The following SCN2A variants were observed in gnomAD, a reference collection of about 807,000 sequenced individuals.
The protein encoded by SCN2A is sodium channel protein type 2 subunit alpha.
A neutral mutation model predicts 188.7 loss-of-function variants in SCN2A; 20 were observed. The ratio of observed to expected loss-of-function variants is 0.11; its 90% CI spans 0.07 to 0.15. The LOEUF is 0.15. SCN2A is among the 10% of genes least tolerant of loss of function. SCN2A has a pLI of 1.00. For missense variants in SCN2A, 1,278 were observed against 2,445.0 expected, an observed-to-expected ratio of 0.52 and a Z score of 10.07; for synonymous variants, 804 against 833.1, an observed-to-expected ratio of 0.97 and a Z score of 0.60.
At chr2:165,370,442 C>A in intron 20 of SCN2A, 143 bp downstream of exon 20, 1 of 842,778 alleles carries the variant, frequency 1.2e-6, no homozygotes, top group Non-Finnish European at 2.0e-6. Flanking sequence ...TGAGAGGATG[C>A]CTCAAAACAT....
intron 1 of SCN2A, among the ~76,000 whole-genome samples, chr2:165,287,044 T>C (rs983265311): frequency 3.9e-5 from 6 of 152,152 alleles, no homozygotes; most frequent in Non-Finnish European, 7.4e-5. Context: ...GGGGAAGAAG[T>C]AGGTTTAAGG....
chr2:165,298,450 T>C (rs1389919213), intron 3 of SCN2A, among the ~76,000 whole-genome samples: 2 of 152,200 alleles, frequency 1.3e-5, no homozygotes, highest in Non-Finnish European at 2.9e-5. Flanking sequence ...AAAGTCTCCT[T>C]TTAACCTCTA....
At chr2:165,312,184 T>C in intron 8 of SCN2A, 96 bp downstream of exon 8, 1 of 864,142 alleles carries the variant, frequency 1.2e-6, no homozygotes. Flanking sequence ...CACTCCTCAC[T>C]CAAAACCCTC....
intron 5 of SCN2A, 109 bp downstream of exon 5, chr2:165,308,903 A>G: frequency 7.3e-7 from 1 of 1,378,596 alleles, no homozygotes; most frequent in Non-Finnish European, 1.0e-6. Flanking sequence ...TTTTCTTAGT[A>G]ATCATAGTTT....
At chr2:165,287,512 G>T (rs1174819235) in intron 1 of SCN2A, among the ~76,000 whole-genome samples, 2 of 145,980 alleles carry the variant, frequency 1.4e-5, no homozygotes, top group Admixed American at 1.3e-4. Context: ...CCAGGTTCAG[G>T]TGTTTTTTTT....
Position 165,390,112 on chromosome 2 carries a change from G to T in SCN2A, c.*288G>T. On this transcript the variant is annotated 3_prime_UTR_variant, in exon 27 of 27. Coordinates refer to ENST00000375437, the MANE Select transcript of SCN2A (RefSeq NM_001040142.2). Reference sequence around the variant, plus strand: ...TCAGACGATAGGAACCAATTTAAAGGGGGGAGGGAAGTTAAATTTTTATGT... The same window carrying T: ...TCAGACGATAGGAACCAATTTAAAGTGGGGAGGGAAGTTAAATTTTTATGT... 2.9e-6 allele frequency: 1 copy of T among 340,280 alleles called. No individual in the cohort carries two copies. Among genetic ancestry groups the T allele is most frequent in the Non-Finnish European group, 5.4e-6 (1 of 186,430 alleles). 21.1% of individuals were successfully genotyped at this position (340,280 alleles called of 1,614,324 possible).
intron 1 of SCN2A, among the ~76,000 whole-genome samples, chr2:165,253,586 A>G (rs977875611): frequency 1.3e-5 from 2 of 152,070 alleles, no homozygotes; most frequent in African/African-American, 4.8e-5. Flanking sequence ...TTTTCTTCCT[A>G]CAAGGTGAGA....
intron 2 of SCN2A, 82 bp downstream of exon 2, chr2:165,296,172 T>C: frequency 5.3e-6 from 7 of 1,330,836 alleles, no homozygotes; most frequent in Non-Finnish European, 7.6e-6. Flanking sequence ...TGAAGAAGGC[T>C]GGCCTCCTTC....
intron 1 of SCN2A, among the ~76,000 whole-genome samples, chr2:165,242,981 T>C (rs1693685085): frequency 6.6e-6 from 1 of 152,196 alleles, no homozygotes; most frequent in Admixed American, 6.5e-5. Flanking sequence ...CATATGGACT[T>C]TCTGGAAGAA....
At chr2:165,381,846 A>T (rs771075880) in intron 25 of SCN2A, among the ~76,000 whole-genome samples, 2 of 151,974 alleles carry the variant, frequency 1.3e-5, no homozygotes, top group Non-Finnish European at 2.9e-5. Flanking sequence ...AAGTTTTTCT[A>T]TCACTCCTGA....
intron 1 of SCN2A, among the ~76,000 whole-genome samples, chr2:165,249,276 G>A (rs1693991478): frequency 6.6e-6 from 1 of 152,100 alleles, no homozygotes; most frequent in Non-Finnish European, 1.5e-5. Flanking sequence ...TGCATATGCT[G>A]TGTCCTGAGC....
intron 1 of SCN2A, among the ~76,000 whole-genome samples, chr2:165,254,156 T>G (rs4667800): frequency 0.37 from 55,867 of 151,500 alleles, 10,616 homozygotes; most frequent in African/African-American, 0.46. Flanking sequence ...GAGAATTTAT[T>G]ATAATTTATA....
intron 11 of SCN2A, among the ~76,000 whole-genome samples, chr2:165,321,750 C>T (rs1243760931): frequency 1.3e-5 from 2 of 152,148 alleles, no homozygotes. Context: ...AACTATTTCC[C>T]ACCATGTCCC....
intron 13 of SCN2A, among the ~76,000 whole-genome samples, chr2:165,329,146 T>C (rs1698536061): frequency 6.6e-6 from 1 of 152,124 alleles, no homozygotes; most frequent in South Asian, 2.1e-4. Context: ...TGGCAATTTT[T>C]GTTCTCCTTC....
intron 1 of SCN2A, among the ~76,000 whole-genome samples, chr2:165,261,111 G>A (rs1455171921): frequency 6.6e-6 from 1 of 151,966 alleles, no homozygotes; most frequent in Non-Finnish European, 1.5e-5. Flanking sequence ...ATATTGTAAT[G>A]TTTAGGGAAT....
In SCN2A at chr2:165,365,387, A is replaced by G; in HGVS notation, c.3520+124A>G. 2.9e-6 allele frequency: 3 copies of G among 1,046,182 alleles called. No individual in the cohort carries two copies. The South Asian group carries it at 4.1e-5, about 14-fold the overall frequency. The allele number at this position is 1,046,182 out of a possible 1,614,324, so 64.8% of individuals were successfully genotyped here. On this transcript the variant is annotated intron_variant, in intron 18 of 26. Transcript: ENST00000375437. ...TCTATCTATCTGTATCTATCTATCTATCTATCTATCTAGTAATCATCTATA... is the reference window on the plus strand; with the variant it reads ...TCTATCTATCTGTATCTATCTATCTGTCTATCTATCTAGTAATCATCTATA...
chr2:165,341,689 CTG>C (rs947143380), intron 14 of SCN2A, among the ~76,000 whole-genome samples: 13 of 152,310 alleles, frequency 8.5e-5, no homozygotes, highest in East Asian at 1.9e-4. Flanking sequence ...AGTACTGAGA[CTG>C]TGCTTCTCAG....
intron 14 of SCN2A, among the ~76,000 whole-genome samples, chr2:165,338,552 G>A (rs1367662313): frequency 1.3e-5 from 2 of 151,996 alleles, no homozygotes; most frequent in African/African-American, 2.4e-5. Context: ...GAGCCACCAC[G>A]CCGGGCCAGA....
intron 15 of SCN2A, 81 bp downstream of exon 15, chr2:165,342,550 TC>T: frequency 7.1e-7 from 1 of 1,414,464 alleles, no homozygotes; most frequent in Non-Finnish European, 1.0e-6. Flanking sequence ...TGGCAAGATT[TC>T]CCATCATTAT....
Sources: gnomAD v4.1 joint callset for allele counts (sites outside exome capture counted in the v4.1 genomes callset) on GRCh38, gnomAD v4.1.1 for gene constraint, MANE v1.5 for transcripts, NCBI Gene and HGNC (gene_info 2026-07-23, HGNC 2026-07-21) for gene names.